The following PLA2G6 variants were observed in gnomAD, a reference collection of about 807,000 sequenced individuals.
PLA2G6 encodes 85/88 kDa calcium-independent phospholipase A2.
Under a neutral mutation model 83.8 loss-of-function variants are expected in PLA2G6, and 62 were observed. The ratio of observed to expected loss-of-function variants is 0.74; its 90% CI spans 0.60 to 0.91. The LOEUF (loss-of-function observed/expected upper bound fraction) is 0.91, where lower values mean the gene tolerates loss of function less well. Ranked by LOEUF, PLA2G6 falls within the 40% of genes least tolerant of loss-of-function variation. PLA2G6 has a pLI of 0.00. For missense variants in PLA2G6, 944 were observed against 1,102.0 expected (o/e 0.86, Z 2.03); for synonymous variants, 417 against 449.8 (o/e 0.93, Z 0.92).
chr22:38,180,872 A>G (rs1048172373), intron 1 of PLA2G6, among the ~76,000 whole-genome samples: 3 of 145,714 alleles, frequency 2.1e-5, no homozygotes, highest in African/African-American at 8.4e-5. Flanking sequence ...AACAAAAACA[A>G]TGCATTCAAA....
In PLA2G6 at chr22:38,112,307, T is replaced by G. The variant is rs552606315; in HGVS notation, c.2277-2A>C. The G allele has an allele frequency of 6.2e-7, 1 of 1,613,270 alleles. No individual in the cohort carries two copies. Among genetic ancestry groups the G allele is most frequent in the Admixed American group, 1.7e-5 (1 of 59,954 alleles). Reference sequence around the variant, plus strand: ...TCCGTCCCCAGCTGGGGGTTCAATCTGTTCGGGCCAGGGAGGAGGGGGTCA... The same window carrying G: ...TCCGTCCCCAGCTGGGGGTTCAATCGGTTCGGGCCAGGGAGGAGGGGGTCA... On this transcript the variant is annotated splice_acceptor_variant, in intron 16 of 16. Coordinates refer to ENST00000332509, the MANE Select transcript of PLA2G6 (RefSeq NM_003560.4). LOFTEE classifies it high-confidence loss of function.
chr22:38,115,218 C>A (rs1467096790), intron 14 of PLA2G6, among the ~76,000 whole-genome samples: 1 of 152,164 alleles, frequency 6.6e-6, no homozygotes, highest in African/African-American at 2.4e-5. Context: ...CAGAGGTGAG[C>A]TCAAGGGCAA....
intron 12 of PLA2G6, among the ~76,000 whole-genome samples, chr22:38,116,650 T>C (rs1330240867): frequency 6.6e-6 from 1 of 151,174 alleles, no homozygotes; most frequent in Non-Finnish European, 1.5e-5. Flanking sequence ...AGGTCAGGAG[T>C]TCGAGACCAG....
chr22:38,123,385 TTC>T lies in PLA2G6; in HGVS notation c.1428-129_1428-128del. The T allele has an allele frequency of 1.0e-6, 1 of 955,316 alleles. No individual in the cohort carries two copies. Among genetic ancestry groups the T allele is most frequent in the South Asian group, 1.4e-5 (1 of 71,730 alleles). The allele number at this position is 955,316 out of a possible 1,614,324, so 59.2% of individuals were successfully genotyped here. The stretch of plus-strand genomic sequence containing the variant: ...ACAGACCCAGACGGACCCGAGGAAC[TTC>T]TGTCCTATGCAGGACAGCGAGGGTG... On this transcript the variant is annotated intron_variant, in intron 10 of 16. Transcript: ENST00000332509. The surrounding 1 kb of genome is among the most constrained non-coding windows in gnomAD (Gnocchi z 4.1).
rs1023280359 is a variant in PLA2G6, at chr22:38,181,733, G to C, written c.-115C>G. 1 of 152,242 alleles carries C rather than the reference G, an allele frequency of 6.6e-6. No homozygotes were observed. The highest frequency in any genetic ancestry group is 1.5e-5 in the Non-Finnish European group (1 of 68,066). The allele number at this position is 152,242 out of a possible 1,614,324, so 9.4% of individuals were successfully genotyped here. ...GAGACTTGGGAGTCCGGAGCGCCGAGGAAGTTGGGGAACGGACCCCCAGGC... is the reference window on the plus strand; with the variant it reads ...GAGACTTGGGAGTCCGGAGCGCCGACGAAGTTGGGGAACGGACCCCCAGGC... On this transcript the variant is annotated 5_prime_UTR_variant, in exon 1 of 17. Coordinates refer to ENST00000332509, the MANE Select transcript of PLA2G6 (RefSeq NM_003560.4).
intron 10 of PLA2G6, among the ~76,000 whole-genome samples, chr22:38,126,025 T>G (rs1029798617): frequency 6.6e-6 from 1 of 152,088 alleles, no homozygotes; most frequent in Non-Finnish European, 1.5e-5. Flanking sequence ...GTAGGAGCAG[T>G]GGGAAGCAGC....
At chr22:38,172,985 G>C (rs1282934068) in intron 1 of PLA2G6, among the ~76,000 whole-genome samples, 1 of 152,244 alleles carries the variant, frequency 6.6e-6, no homozygotes, top group Non-Finnish European at 1.5e-5. Flanking sequence ...CTGGGACACA[G>C]GCCGACTGTG....
chr22:38,179,104 T>C (rs1231776275), intron 1 of PLA2G6, among the ~76,000 whole-genome samples: 1 of 152,114 alleles, frequency 6.6e-6, no homozygotes, highest in Non-Finnish European at 1.5e-5. Flanking sequence ...AAATTGATCT[T>C]AAATAAATAC....
At chr22:38,157,537 A>T (rs1327463591) in intron 2 of PLA2G6, among the ~76,000 whole-genome samples, 4 of 152,172 alleles carry the variant, frequency 2.6e-5, no homozygotes, top group African/African-American at 7.2e-5. Flanking sequence ...TTTAAACAAA[A>T]ACTAATACCA....
At chr22:38,164,999 G>A (rs1283958114) in intron 2 of PLA2G6, among the ~76,000 whole-genome samples, 1 of 151,464 alleles carries the variant, frequency 6.6e-6, no homozygotes, top group Non-Finnish European at 1.5e-5. Flanking sequence ...CCACCCCATC[G>A]CAGCCCTCAC....
rs1602110900 is a variant in PLA2G6, at chr22:38,126,658, GT to G, written c.1349-210del. 6 of 588,096 alleles carry G rather than the reference GT, an allele frequency of 1.0e-5. No individual in the cohort carries two copies. In the East Asian group the frequency reaches 1.5e-4, roughly 15 times the overall value. The allele number at this position is 588,096 out of a possible 1,614,324, so 36.4% of individuals were successfully genotyped here. On this transcript the variant is annotated intron_variant, in intron 9 of 16. Transcript: ENST00000332509. ...GGCCACAGGAGAGAAATGGGCTGGA[GT>G]GGAAAGGGGGGCCCACTGCTCTGGG...
chr22:38,167,899 ACCAAAG>A (rs1434959813), intron 2 of PLA2G6: 1 of 169,578 alleles, frequency 5.9e-6, no homozygotes, highest in East Asian at 1.9e-4. Context: ...CCTCACTCTC[ACCAAAG>A]CCCTGCATGC....
At chr22:38,179,141 G>A (rs1450770043) in intron 1 of PLA2G6, among the ~76,000 whole-genome samples, 1 of 152,170 alleles carries the variant, frequency 6.6e-6, no homozygotes, top group Non-Finnish European at 1.5e-5. Context: ...AAAGTCATAT[G>A]AATAGCTAGG....
Position 38,123,127 on chromosome 22 carries a change from G to C in PLA2G6, c.1559C>G (p.Thr520Ser). ...AATGGCCAGGGCCAGGATGCCTCCA[G>C]TGCTGGTGCCCGCCACCCAGTCAAA... Reference protein sequence around the residue: ...DLFDWVAGTSTGGILALAILH... With the variant: ...DLFDWVAGTSSGGILALAILH... Residue 520 changes from threonine to serine, a missense_variant, in exon 11 of 17, where the codon ACT becomes AGT. Thr to Ser is a moderately conservative substitution (Grantham distance 58). Transcript: ENST00000332509. The surrounding 1 kb of genome is among the most constrained non-coding windows in gnomAD (Gnocchi z 4.1). 6.5e-7 allele frequency: 1 copy of C among 1,549,874 alleles called. No homozygotes were observed. Among genetic ancestry groups the C allele is most frequent in the East Asian group, 2.4e-5 (1 of 40,950 alleles).
In PLA2G6 at chr22:38,120,818, C is replaced by T. The variant is rs149015861; in HGVS notation, c.1683G>A (p.Glu561=). ...CCCCAAACTCCCGCTTCAGGAACTC[C>T]TCCAGGGGCCCCGACTCGTAGGGCC... ...GSRPYESGPL[E]EFLKREFGEH... Residue 561 remains glutamate (E), a synonymous_variant, in exon 12 of 17, where the codon GAG becomes GAA. Coordinates refer to ENST00000332509, the MANE Select transcript of PLA2G6 (RefSeq NM_003560.4). 1 of 1,613,968 alleles carries T rather than the reference C, an allele frequency of 6.2e-7. No homozygotes were observed. The highest frequency in any genetic ancestry group is 8.5e-7 in the Non-Finnish European group (1 of 1,180,044).
chr22:38,150,268 A>T (rs2089499929), intron 2 of PLA2G6: 1 of 152,178 alleles, frequency 6.6e-6, no homozygotes, highest in African/African-American at 2.4e-5. Context: ...CCCAGCTTCC[A>T]GACCAATGCC....
chr22:38,163,440 A>C (rs1780438607), intron 2 of PLA2G6: 1 of 169,606 alleles, frequency 5.9e-6, no homozygotes, highest in African/African-American at 2.4e-5. Context: ...AGCGTGGCAC[A>C]CCACCAGGCA....
Position 38,135,074 on chromosome 22 carries a change from T to C in PLA2G6, c.808A>G (p.Met270Val). The C allele has an allele frequency of 6.2e-7, 1 of 1,600,754 alleles. No homozygotes were observed. Among genetic ancestry groups the C allele is most frequent in the Non-Finnish European group, 8.5e-7 (1 of 1,171,296 alleles). ...TGGCTGCTGTCCATGCTGATGATCA[T>C]CTCCGCACACCTGGTGAGAGAGGGG... ...MKFSQKGCAEMIISMDSSQIH... is the reference protein window; with the variant it reads ...MKFSQKGCAEVIISMDSSQIH... The change falls in exon 6 of 17, where the codon ATG (methionine) becomes GTG (valine). Residue 270 changes from methionine (M) to valine (V), a missense_variant. Transcript: ENST00000332509.
chr22:38,156,089 T>G (rs1173134757), intron 2 of PLA2G6, among the ~76,000 whole-genome samples: 1 of 152,178 alleles, frequency 6.6e-6, no homozygotes, highest in African/African-American at 2.4e-5. Context: ...ACAAAGAAGG[T>G]CATTATATAA....
Sources: allele counts gnomAD v4.1 joint callset (sites outside exome capture counted in the v4.1 genomes callset), GRCh38; gene constraint gnomAD v4.1.1; non-coding constraint Gnocchi (gnomAD v3.1); transcripts MANE v1.5; gene names NCBI Gene and HGNC (gene_info 2026-07-23, HGNC 2026-07-21).